RAB38: variants seen among roughly 807,000 people sequenced by gnomAD.
The protein encoded by RAB38 is RAB38, member RAS oncogene family, also known as ras-related protein Rab-38.
RAB38 carries 15 observed loss-of-function variants against 18.4 expected under a neutral mutation model. The ratio of observed to expected loss-of-function variants is 0.82; its 90% CI spans 0.55 to 1.26. The LOEUF is 1.26. Among genes scored for constraint, RAB38 ranks in the 50% most tolerant of loss-of-function variants. RAB38 has a pLI of 0.00. For missense variants in RAB38, 294 were observed against 267.4 expected, an observed-to-expected ratio of 1.10 and a Z score of -0.69; for synonymous variants, 101 against 104.4, an observed-to-expected ratio of 0.97 and a Z score of 0.20.
the RAB38 span, among the ~76,000 whole-genome samples, chr11:87,887,860 T>A: frequency 6.6e-6 from 1 of 151,928 alleles, no homozygotes; most frequent in Non-Finnish European, 1.5e-5. Context: ...CAGCAAAATG[T>A]AATAACAATA....
the RAB38 span, among the ~76,000 whole-genome samples, chr11:87,842,768 G>A: frequency 2.0e-5 from 3 of 151,394 alleles, no homozygotes; most frequent in Non-Finnish European, 2.9e-5. Flanking sequence ...CACCCCATGC[G>A]CACACATACA....
the RAB38 span, among the ~76,000 whole-genome samples, chr11:88,048,964 T>C: frequency 6.6e-6 from 1 of 152,164 alleles, no homozygotes; most frequent in Non-Finnish European, 1.5e-5. Flanking sequence ...TTTCAATTCA[T>C]ACAAAACCGC....
At chr11:88,014,863 G>C in the RAB38 span, among the ~76,000 whole-genome samples, 2 of 152,148 alleles carry the variant, frequency 1.3e-5, no homozygotes, top group African/African-American at 4.8e-5. Flanking sequence ...ATTAGAAATA[G>C]TACTGAGCAG....
chr11:88,087,992 T>G, the RAB38 span, among the ~76,000 whole-genome samples: 2 of 151,928 alleles, frequency 1.3e-5, no homozygotes, highest in Non-Finnish European at 2.9e-5. Flanking sequence ...TGGTCCATCT[T>G]CCGTAACAGC....
chr11:87,891,180 C>T, the RAB38 span, among the ~76,000 whole-genome samples: 63 of 151,980 alleles, frequency 4.1e-4, no homozygotes, highest in South Asian at 8.3e-4. Flanking sequence ...TTGGGTTGAC[C>T]TTAGCAAGTC....
At chr11:87,892,290 C>T in the RAB38 span, among the ~76,000 whole-genome samples, 1 of 151,782 alleles carries the variant, frequency 6.6e-6, no homozygotes, top group African/African-American at 2.4e-5. Context: ...GTATTTACTC[C>T]CCAAACACAT....
chr11:88,157,445 A>C (rs1398429537), intron 1 of RAB38, among the ~76,000 whole-genome samples: 4 of 152,216 alleles, frequency 2.6e-5, no homozygotes, highest in Admixed American at 6.5e-5. Flanking sequence ...AGCAAGGCAG[A>C]AAACTAACAA....
At chr11:88,081,993 C>A in the RAB38 span, among the ~76,000 whole-genome samples, 1 of 151,906 alleles carries the variant, frequency 6.6e-6, no homozygotes, top group African/African-American at 2.4e-5. Context: ...GTGAAAAATT[C>A]CAAACACAGA....
At chr11:87,841,269 C>G in the RAB38 span, among the ~76,000 whole-genome samples, 1 of 152,054 alleles carries the variant, frequency 6.6e-6, no homozygotes, top group East Asian at 1.9e-4. Context: ...AGGCGGTTAC[C>G]CACATGCTGT....
chr11:88,152,792 G>A (rs376216588), intron 1 of RAB38, among the ~76,000 whole-genome samples: 1 of 152,168 alleles, frequency 6.6e-6, no homozygotes, highest in African/African-American at 2.4e-5. Context: ...AACTTCCCTT[G>A]ATTTTAGATC....
chr11:88,149,154 T>C (rs1943030741), intron 2 of RAB38, among the ~76,000 whole-genome samples: 1 of 152,212 alleles, frequency 6.6e-6, no homozygotes, highest in African/African-American at 2.4e-5. Flanking sequence ...TATGCTGTGT[T>C]CTTCACATTT....
the RAB38 span, among the ~76,000 whole-genome samples, chr11:88,052,921 TA>T: frequency 3.9e-5 from 1 of 25,346 alleles, no homozygotes; most frequent in Non-Finnish European, 7.1e-5. Context: ...TATATATATA[TA>T]TATATATATA....
At chr11:87,818,744 T>A in the RAB38 span, among the ~76,000 whole-genome samples, 7 of 152,164 alleles carry the variant, frequency 4.6e-5, no homozygotes, top group African/African-American at 1.4e-4. Flanking sequence ...ATAACACTTA[T>A]TTTTGTAGGA....
At chr11:87,869,723 T>G in the RAB38 span, among the ~76,000 whole-genome samples, 1 of 151,632 alleles carries the variant, frequency 6.6e-6, no homozygotes, top group Non-Finnish European at 1.5e-5. Flanking sequence ...TATTCCCTTA[T>G]GTTTTCTTCA....
At chr11:87,967,111 T>C in the RAB38 span, among the ~76,000 whole-genome samples, 2 of 152,336 alleles carry the variant, frequency 1.3e-5, no homozygotes, top group African/African-American at 2.4e-5. Flanking sequence ...ATTTAATTCC[T>C]TTGAACTTTA....
chr11:87,811,877 T>C, the RAB38 span, among the ~76,000 whole-genome samples: 1 of 152,158 alleles, frequency 6.6e-6, no homozygotes, highest in Admixed American at 6.5e-5. Context: ...GTGATTGAAA[T>C]TGGGGAGAAA....
At chr11:88,037,324 C>T in the RAB38 span, among the ~76,000 whole-genome samples, 1 of 152,100 alleles carries the variant, frequency 6.6e-6, no homozygotes, top group East Asian at 1.9e-4. Flanking sequence ...TAATTAAATA[C>T]TTTCACCTTT....
At chr11:88,138,139 G>T (rs922597044) in intron 2 of RAB38, among the ~76,000 whole-genome samples, 16 of 152,142 alleles carry the variant, frequency 1.1e-4, no homozygotes, top group Non-Finnish European at 2.4e-4. Flanking sequence ...GATTACAGCC[G>T]TGTGCTGGCT....
chr11:87,841,843 C>T, the RAB38 span, among the ~76,000 whole-genome samples: 3 of 152,140 alleles, frequency 2.0e-5, no homozygotes, highest in Non-Finnish European at 4.4e-5. Flanking sequence ...GGTGTATAGT[C>T]ACTCCACCTG....
Sources: allele counts gnomAD v4.1 joint callset (sites outside exome capture counted in the v4.1 genomes callset), GRCh38; gene constraint gnomAD v4.1.1; transcripts MANE v1.5; gene names NCBI Gene and HGNC (gene_info 2026-07-23, HGNC 2026-07-21).